VIPR2: variants seen among roughly 807,000 people sequenced by gnomAD.
VIPR2 encodes the protein vasoactive intestinal peptide receptor 2.
A neutral mutation model predicts 58.0 loss-of-function variants in VIPR2; 48 were observed. The observed-to-expected ratio is 0.83, with a 90% CI of 0.66 to 1.05. The LOEUF (loss-of-function observed/expected upper bound fraction) is 1.05, where lower values mean the gene tolerates loss of function less well. Ranked by LOEUF, VIPR2 falls within the 50% of genes least tolerant of loss-of-function variation. The pLI is 0.00. For missense variants in VIPR2, 534 were observed against 558.0 expected, an observed-to-expected ratio of 0.96 and a Z score of 0.43; for synonymous variants, 243 against 235.2, an observed-to-expected ratio of 1.03 and a Z score of -0.30.
rs1853478307 is a variant in VIPR2, at chr7:159,030,557, AG to A, written c.*58del. 1 of 1,468,022 alleles carries A rather than the reference AG, an allele frequency of 6.8e-7. No individual in the cohort carries two copies. Among genetic ancestry groups the A allele is most frequent in the African/African-American group, 1.4e-5 (1 of 70,014 alleles). 90.9% of individuals were successfully genotyped at this position (1,468,022 alleles called of 1,614,324 possible). A position where few individuals can be genotyped will look rare whatever the true frequency, so the allele number is the denominator to read the frequency against. Reference sequence around the variant, plus strand: ...TCTGGAAGGAGGAAGCCGGCGTCTCAGCCCCGCAGAAGCCCCGAACCGTGGG... The same window carrying A: ...TCTGGAAGGAGGAAGCCGGCGTCTCACCCCGCAGAAGCCCCGAACCGTGGG... On this transcript the variant is annotated 3_prime_UTR_variant, in exon 13 of 13. Transcript: ENST00000262178.
chr7:159,106,643 G>A (rs1858678763), intron 3 of VIPR2, among the ~76,000 whole-genome samples: 1 of 143,640 alleles, frequency 7.0e-6, no homozygotes, highest in South Asian at 2.3e-4. Flanking sequence ...GGCCAGGGAG[G>A]GGCAGAGAGA....
At chr7:159,032,304 T>C (rs1455439994) in intron 10 of VIPR2, among the ~76,000 whole-genome samples, 4 of 152,174 alleles carry the variant, frequency 2.6e-5, no homozygotes, top group Non-Finnish European at 5.9e-5. Context: ...TGTCCGTTTC[T>C]CCCAAATTCC....
At chr7:159,085,515 C>T (rs1211154106) in intron 4 of VIPR2, among the ~76,000 whole-genome samples, 5 of 152,006 alleles carry the variant, frequency 3.3e-5, no homozygotes, top group South Asian at 4.2e-4. Context: ...AGGCTGGTCT[C>T]GAACTCCTGA....
chr7:159,048,906 G>A (rs1854811014), intron 5 of VIPR2, among the ~76,000 whole-genome samples: 1 of 152,154 alleles, frequency 6.6e-6, no homozygotes, highest in African/African-American at 2.4e-5. Context: ...ACAAACCTCT[G>A]CTGGGTCCAC....
chr7:159,091,406 A>G (rs1187434706), intron 4 of VIPR2, among the ~76,000 whole-genome samples: 1 of 152,252 alleles, frequency 6.6e-6, no homozygotes, highest in Non-Finnish European at 1.5e-5. Context: ...TAGTCCATGC[A>G]GAGTTCAGCA....
In VIPR2 at chr7:159,135,024, TTTTTTTA is replaced by T. The variant is rs1178523610; in HGVS notation, c.151+7415_151+7421del. On this transcript the variant is annotated intron_variant, in intron 2 of 12. Coordinates refer to ENST00000262178, the MANE Select transcript of VIPR2 (RefSeq NM_003382.5). Reference sequence around the variant, plus strand: ...CAAAAGTTTTTTTTTTTTTTTTTTTTTTTTTTAACATTTTAAGTAATTGGCCTAGAAA... The same window carrying T: ...CAAAAGTTTTTTTTTTTTTTTTTTTTACATTTTAAGTAATTGGCCTAGAAA... 4.4e-4 allele frequency among the ~76,000 whole-genome samples: 44 copies of T among 99,418 alleles called. 1 individual carries two copies. Among genetic ancestry groups the T allele is most frequent in the East Asian group, 1.5e-3 (7 of 4,534 alleles). 65.2% of individuals were successfully genotyped at this position (99,418 alleles called of 152,430 possible).
chr7:159,042,294 G>A (rs1284631153), intron 6 of VIPR2, among the ~76,000 whole-genome samples: 3 of 152,150 alleles, frequency 2.0e-5, no homozygotes, highest in Admixed American at 6.5e-5. Context: ...CCAGGGGCAC[G>A]AATCCTTCAC....
At chr7:159,129,139 TG>T (rs1193516516) in intron 2 of VIPR2, among the ~76,000 whole-genome samples, 31 of 116,860 alleles carry the variant, frequency 2.7e-4, no homozygotes, top group African/African-American at 9.1e-4. Flanking sequence ...AACTGGCCTC[TG>T]GGGGGGACAG....
At chr7:159,142,830 G>A (rs1797528058) in intron 1 of VIPR2, among the ~76,000 whole-genome samples, 1 of 152,172 alleles carries the variant, frequency 6.6e-6, no homozygotes, top group Non-Finnish European at 1.5e-5. Context: ...GGAGGCAACA[G>A]AGCTCTTTAC....
In VIPR2 at chr7:159,030,793, G is replaced by C. The variant is rs951241218; in HGVS notation, c.1144-4C>G. The C allele has an allele frequency of 4.4e-6, 7 of 1,573,084 alleles. No individual in the cohort carries two copies. Among genetic ancestry groups the C allele is most frequent in the Admixed American group, 1.8e-5 (1 of 57,104 alleles). On this transcript the variant is annotated splice_polypyrimidine_tract_variant and splice_region_variant and intron_variant, in intron 12 of 12. Transcript: ENST00000262178. ...TTCGCTTCAGCTCGCACTGCACCTG[G>C]GAGGTGAGGGCAGCGGGAACGCCCG...
chr7:159,054,975 C>T (rs1434454863), intron 5 of VIPR2, among the ~76,000 whole-genome samples: 1 of 152,130 alleles, frequency 6.6e-6, no homozygotes, highest in East Asian at 1.9e-4. Context: ...TACATATACA[C>T]ACATACCTAA....
chr7:159,108,167 T>A (rs1475907616), intron 3 of VIPR2, among the ~76,000 whole-genome samples: 2 of 152,252 alleles, frequency 1.3e-5, no homozygotes, highest in African/African-American at 4.8e-5. Context: ...TCTAAGACTC[T>A]ACAGTTATCC....
In VIPR2 at chr7:159,118,052, C is replaced by T. The variant is rs145345486; in HGVS notation, c.152-8133G>A. ...AGCAGGAAGTCCCAGCTGGTTCTCA[C>T]GGGGAGCTCAGAGAGGCCGGGGGCG... On this transcript the variant is annotated intron_variant, in intron 2 of 12. Coordinates refer to ENST00000262178, the MANE Select transcript of VIPR2 (RefSeq NM_003382.5). 4.1e-3 allele frequency among the ~76,000 whole-genome samples: 623 copies of T among 152,310 alleles called. 7 individuals carry two copies. Among genetic ancestry groups the T allele is most frequent in the African/African-American group, 0.014 (579 of 41,550 alleles).
At chr7:159,112,070 A>G (rs1796030698) in intron 2 of VIPR2, among the ~76,000 whole-genome samples, 1 of 152,268 alleles carries the variant, frequency 6.6e-6, no homozygotes, top group Non-Finnish European at 1.5e-5. Context: ...AATACAAATT[A>G]TAATGCAATA....
intron 4 of VIPR2, among the ~76,000 whole-genome samples, chr7:159,068,360 C>G (rs562496101): frequency 6.6e-6 from 1 of 152,354 alleles, no homozygotes; most frequent in South Asian, 2.1e-4. Flanking sequence ...ATCAAGCACA[C>G]TCAGCATTAA....
chr7:159,036,570 T>A (rs1353795403), intron 7 of VIPR2, among the ~76,000 whole-genome samples, 182 bp downstream of exon 7: 2 of 152,184 alleles, frequency 1.3e-5, no homozygotes, highest in Non-Finnish European at 2.9e-5. Context: ...GGTTCCTGGT[T>A]ACCAGAAATA....
chr7:159,132,830 TGAGACAGAA>T lies in VIPR2; in HGVS notation c.151+9607_151+9615del, dbSNP rs1796996102. ...AGAATGATTGGCATACCGATTGATT[TGAGACAGAA>T]TGATTGGCATACCGATTGATTTTAG... is the stretch of plus-strand genomic sequence containing the variant. On this transcript the variant is annotated intron_variant, in intron 2 of 12. Coordinates refer to ENST00000262178, the MANE Select transcript of VIPR2 (RefSeq NM_003382.5). Among the ~76,000 whole-genome samples the T allele has an allele frequency of 1.4e-4, 20 of 139,312 alleles. 1 individual carries two copies. Among genetic ancestry groups the T allele is most frequent in the Non-Finnish European group, 1.9e-4 (12 of 62,296 alleles). The allele number at this position is 139,312 out of a possible 152,430, so 91.4% of individuals were successfully genotyped here.
At chr7:159,079,906 G>C (rs1268695761) in intron 4 of VIPR2, among the ~76,000 whole-genome samples, 1 of 152,160 alleles carries the variant, frequency 6.6e-6, no homozygotes, top group African/African-American at 2.4e-5. Context: ...ACTCTCCCAA[G>C]ACTAAACCAG....
chr7:159,105,037 T>C (rs1203923278), intron 3 of VIPR2, among the ~76,000 whole-genome samples: 1 of 152,260 alleles, frequency 6.6e-6, no homozygotes, highest in African/African-American at 2.4e-5. Flanking sequence ...GTTGTTCCCT[T>C]ACAATCTCAT....
Sources: gnomAD v4.1 joint callset for allele counts (sites outside exome capture counted in the v4.1 genomes callset) on GRCh38, gnomAD v4.1.1 for gene constraint, MANE v1.5 for transcripts, NCBI Gene and HGNC (gene_info 2026-07-23, HGNC 2026-07-21) for gene names.